Variants in HMCN1 observed in about 807,000 individuals in gnomAD.
HMCN1 encodes the protein hemicentin 1.
A neutral mutation model predicts 625.9 loss-of-function variants in HMCN1; 321 were observed. That is an observed-to-expected ratio of 0.51 (90% confidence interval 0.47 to 0.56). HMCN1 has a LOEUF of 0.56. Ranked by LOEUF, HMCN1 falls within the 20% of genes least tolerant of loss-of-function variation. HMCN1 has a pLI of 0.00. For missense variants in HMCN1, 6,588 were observed against 6,887.3 expected (o/e 0.96, Z 1.54); for synonymous variants, 2,425 against 2,417.6 (o/e 1.00, Z -0.09).
chr1:185,895,289 T>C (rs1665421297), intron 4 of HMCN1, among the ~76,000 whole-genome samples: 1 of 152,214 alleles, frequency 6.6e-6, no homozygotes, highest in East Asian at 1.9e-4. Context: ...TGATTTTTTG[T>C]ATGTTCCAAG....
chr1:185,832,518 A>G (rs1416630638), intron 1 of HMCN1, among the ~76,000 whole-genome samples: 1 of 152,152 alleles, frequency 6.6e-6, no homozygotes. Context: ...TTGTAATGTC[A>G]ATGGAAAAAA....
intron 1 of HMCN1, among the ~76,000 whole-genome samples, chr1:185,777,220 G>C (rs1238070921): frequency 6.7e-6 from 1 of 150,000 alleles, no homozygotes; most frequent in African/African-American, 2.5e-5. Context: ...AGTGTAGATG[G>C]AAATTTCGTG....
At chr1:186,024,931 C>T (rs190808756) in intron 36 of HMCN1, among the ~76,000 whole-genome samples, 1 of 152,228 alleles carries the variant, frequency 6.6e-6, no homozygotes, top group Admixed American at 6.5e-5. Context: ...AAGTCCATGA[C>T]ATTTATTGTG....
chr1:185,987,882 A>C (rs904196175), intron 20 of HMCN1, among the ~76,000 whole-genome samples: 1 of 151,796 alleles, frequency 6.6e-6, no homozygotes, highest in Non-Finnish European at 1.5e-5. Flanking sequence ...CAAAAAACTT[A>C]AGTGCAAGAA....
chr1:185,975,212 G>A (rs764700667), intron 15 of HMCN1, among the ~76,000 whole-genome samples: 4 of 152,148 alleles, frequency 2.6e-5, no homozygotes, highest in Non-Finnish European at 5.9e-5. Flanking sequence ...CTAGGTCTTA[G>A]AGACTTCGTG....
At chr1:186,063,166 G>A (rs966175808) in intron 48 of HMCN1, among the ~76,000 whole-genome samples, 2 of 143,732 alleles carry the variant, frequency 1.4e-5, no homozygotes, top group Admixed American at 1.4e-4. Context: ...CTTTGCTATT[G>A]TGAATAGTGC....
chr1:185,804,198 G>C (rs1659014303), intron 1 of HMCN1, among the ~76,000 whole-genome samples: 1 of 151,876 alleles, frequency 6.6e-6, no homozygotes, highest in African/African-American at 2.4e-5. Context: ...AGTTTTCCTA[G>C]TAACACTAAC....
chr1:186,135,381 T>C (rs990193160), intron 86 of HMCN1, among the ~76,000 whole-genome samples: 2 of 152,318 alleles, frequency 1.3e-5, no homozygotes. Flanking sequence ...TAAATAATGC[T>C]GTTGCAATGG....
At chr1:185,970,974 G>T (rs1306743288) in intron 15 of HMCN1, among the ~76,000 whole-genome samples, 1 of 151,920 alleles carries the variant, frequency 6.6e-6, no homozygotes, top group Non-Finnish European at 1.5e-5. Flanking sequence ...TCTAGGTACC[G>T]TTCGCTGTGT....
At position 186,088,629 on chromosome 1, in the gene HMCN1, C is replaced by T. The variant is rs369738413; in HGVS notation, c.9601C>T (p.Arg3201Cys). The change falls in exon 63 of 107, where the codon CGT becomes TGT. Residue 3201 changes from arginine (R) to cysteine (C), a missense_variant. Transcript: ENST00000271588. Reference protein sequence around the residue: ...RIENSDSLEVRILSGGSKLQI... With the variant: ...RIENSDSLEVCILSGGSKLQI... ...AGAAAATTCTGACTCACTGGAAGTTCGTATTTTGTCTGGAGGTAGCAAACT... is the reference window on the plus strand; with the variant it reads ...AGAAAATTCTGACTCACTGGAAGTTTGTATTTTGTCTGGAGGTAGCAAACT... 1.4e-5 allele frequency: 22 copies of T among 1,611,674 alleles called. No individual in the cohort carries two copies. The highest frequency in any genetic ancestry group is 1.7e-4 in the Middle Eastern group (1 of 6,048).
intron 1 of HMCN1, among the ~76,000 whole-genome samples, chr1:185,739,853 G>A (rs1327180660): frequency 1.3e-5 from 2 of 152,130 alleles, no homozygotes; most frequent in East Asian, 3.9e-4. Flanking sequence ...GTGGATTGAA[G>A]GTGTTGGAAT....
chr1:186,038,730 G>A lies in HMCN1; in HGVS notation c.5852-99G>A, dbSNP rs72718890. ...TAAACAGATTAAATTCAAATAATAA[G>A]TATAAGAATAAAGTAATAGTGACTT... On this transcript the variant is annotated intron_variant, in intron 37 of 106. Transcript: ENST00000271588. 131 of 746,904 alleles carry A rather than the reference G, an allele frequency of 1.8e-4. No individual in the cohort carries two copies. The Middle Eastern group carries it at 1.9e-3, about 11-fold the overall frequency. 46.3% of individuals were successfully genotyped at this position (746,904 alleles called of 1,614,324 possible).
At chr1:185,743,982 G>GTTTTTTTTTTTTTTT (rs1214723950) in intron 1 of HMCN1, among the ~76,000 whole-genome samples, 1 of 88,140 alleles carries the variant, frequency 1.1e-5, no homozygotes. Context: ...TTACTGTTTT[G>GTTTTTTTTTTTTTTT]TTTTTTTTTT....
At chr1:186,157,465 G>A (rs1162964089) in intron 97 of HMCN1, among the ~76,000 whole-genome samples, 1 of 152,118 alleles carries the variant, frequency 6.6e-6, no homozygotes, top group Non-Finnish European at 1.5e-5. Flanking sequence ...ATCCTAGTAT[G>A]ATTATTTTGG....
chr1:186,088,191 G>T lies in HMCN1; in HGVS notation c.9492G>T (p.Thr3164=). The T allele has an allele frequency of 3.7e-6, 6 of 1,612,320 alleles. No individual in the cohort carries two copies. Among genetic ancestry groups the T allele is most frequent in the Non-Finnish European group, 5.1e-6 (6 of 1,179,082 alleles). ...EGPEREVIVE[T]ISNPVTLTCD... ...CTGAAAGAGAAGTGATTGTGGAGAC[G>T]ATCAGCAATCCTGTGACATTAACAT... is the stretch of plus-strand genomic sequence containing the variant. Residue 3164 remains threonine, a synonymous_variant, in exon 62 of 107, where the codon ACG becomes ACT. Coordinates refer to ENST00000271588, the MANE Select transcript of HMCN1 (RefSeq NM_031935.3).
intron 26 of HMCN1, among the ~76,000 whole-genome samples, chr1:186,000,551 GTGTGTGTA>G (rs1162969818): frequency 9.6e-5 from 11 of 114,822 alleles, no homozygotes; most frequent in African/African-American, 4.4e-4. Flanking sequence ...GGGTGTGTGT[GTGTGTGTA>G]TGTGTGTGTG....
Position 185,846,268 on chromosome 1 carries a change from A to T in HMCN1, c.339+172A>T, listed in dbSNP as rs79340647. On this transcript the variant is annotated intron_variant, in intron 2 of 106. Transcript: ENST00000271588. ...GTCTGGAATGAATTGAACAATACATACAGAAATAGGACAGATGGGGTTTGA... is the reference window on the plus strand; with the variant it reads ...GTCTGGAATGAATTGAACAATACATTCAGAAATAGGACAGATGGGGTTTGA... 3.7e-3 allele frequency among the ~76,000 whole-genome samples: 559 copies of T among 152,316 alleles called. 23 individuals carry two copies. The East Asian group carries it at 0.087, about 24-fold the overall frequency.
chr1:185,759,866 T>C (rs930849256), intron 1 of HMCN1, among the ~76,000 whole-genome samples: 4 of 152,194 alleles, frequency 2.6e-5, no homozygotes, highest in Non-Finnish European at 5.9e-5. Context: ...TGGAAGACTC[T>C]TAAACATAAG....
At chr1:185,892,249 G>A (rs202167807) in intron 4 of HMCN1, among the ~76,000 whole-genome samples, 3,303 of 149,324 alleles carry the variant, frequency 0.022, 159 homozygotes, top group African/African-American at 0.08. Flanking sequence ...CTTTGCCTTC[G>A]GTTTGAATGT....
Sources: allele counts gnomAD v4.1 joint callset (sites outside exome capture counted in the v4.1 genomes callset), GRCh38; gene constraint gnomAD v4.1.1; transcripts MANE v1.5; gene names NCBI Gene and HGNC (gene_info 2026-07-23, HGNC 2026-07-21).